The following CELF2 variants were observed in gnomAD, a reference collection of about 807,000 sequenced individuals.
CELF2 encodes CUGBP Elav-like family member 2.
In CELF2, 8 loss-of-function variants were observed where a neutral mutation model predicts 62.6. That is an observed-to-expected ratio of 0.13 (90% CI 0.07 to 0.23). The LOEUF (loss-of-function observed/expected upper bound fraction) is 0.23. CELF2 is among the 10% of genes least tolerant of loss of function. The probability of loss-of-function intolerance (pLI) is 1.00; values close to 1 mark genes in which losing one functional copy is unlikely to be tolerated. For synonymous variants in CELF2, 258 were observed against 250.0 expected, an observed-to-expected ratio of 1.03 and a Z score of -0.30; for missense variants, 333 against 671.0, an observed-to-expected ratio of 0.50 and a Z score of 5.56.
chr10:10,779,211 CCAAGGTTTAAAGAA>C, the CELF2 span, among the ~76,000 whole-genome samples: 2 of 152,166 alleles, frequency 1.3e-5, no homozygotes, highest in African/African-American at 2.4e-5. Flanking sequence ...CAGCGTATCT[CCAAGGTTTAAAGAA>C]TAGTTTCAAA....
intron 3 of CELF2, among the ~76,000 whole-genome samples, chr10:11,226,600 C>CCACACACACA (rs59521803): frequency 7.7e-5 from 2 of 25,896 alleles, no homozygotes; most frequent in African/African-American, 1.2e-4. Flanking sequence ...CAGGCAGTGG[C>CCACACACACA]CACACACACA....
the CELF2 span, among the ~76,000 whole-genome samples, chr10:10,690,744 G>A: frequency 6.6e-6 from 1 of 152,114 alleles, no homozygotes; most frequent in Non-Finnish European, 1.5e-5. Flanking sequence ...GCCTGGCATG[G>A]TGATGCACGC....
intron 2 of CELF2, among the ~76,000 whole-genome samples, chr10:10,963,850 C>A (rs776168604): frequency 2.0e-5 from 3 of 152,098 alleles, no homozygotes; most frequent in African/African-American, 7.2e-5. Context: ...AATGGATTCT[C>A]AGCCCATTCC....
At position 11,165,357 on chromosome 10, in the gene CELF2, T is replaced by G; in HGVS notation, c.75-129T>G. ...TTTTAGTTCATCAAATTTCTACGACTCATTAGGCACTTTGCCACTGCTCTT... is the reference window on the plus strand; with the variant it reads ...TTTTAGTTCATCAAATTTCTACGACGCATTAGGCACTTTGCCACTGCTCTT... On this transcript the variant is annotated intron_variant, in intron 1 of 12. Transcript: ENST00000633077. The surrounding 1 kb of genome is among the most constrained non-coding windows in gnomAD (Gnocchi z 7.4). 6.7e-7 allele frequency: 1 copy of G among 1,489,810 alleles called. No individual in the cohort carries two copies. Among genetic ancestry groups the G allele is most frequent in the Non-Finnish European group, 8.9e-7 (1 of 1,124,394 alleles). The allele number at this position is 1,489,810 out of a possible 1,614,324, so 92.3% of individuals were successfully genotyped here. A position where few individuals can be genotyped will look rare whatever the true frequency, so the allele number is the denominator to read the frequency against.
chr10:10,885,479 G>A (rs556354634), intron 1 of CELF2, among the ~76,000 whole-genome samples: 1 of 151,852 alleles, frequency 6.6e-6, no homozygotes, highest in South Asian at 2.1e-4. Context: ...GTGATGAACT[G>A]TATAACAAAC....
chr10:10,667,184 G>A, the CELF2 span, among the ~76,000 whole-genome samples: 1 of 152,204 alleles, frequency 6.6e-6, no homozygotes, highest in South Asian at 2.1e-4. Flanking sequence ...TCCTGGCGTT[G>A]TGTCTATGGA....
At chr10:10,945,940 A>T (rs1328339374) in intron 2 of CELF2, 1 of 152,632 alleles carries the variant, frequency 6.6e-6, no homozygotes, top group African/African-American at 2.4e-5. Flanking sequence ...AGAAAACCAT[A>T]GCGACCAAAA....
intron 1 of CELF2, among the ~76,000 whole-genome samples, chr10:11,079,365 G>T (rs191325163): frequency 6.6e-6 from 1 of 152,284 alleles, no homozygotes; most frequent in African/African-American, 2.4e-5. Flanking sequence ...CAACAAAAAC[G>T]TGCGGAAAAT....
chr10:10,663,037 A>T, the CELF2 span, among the ~76,000 whole-genome samples: 1 of 152,232 alleles, frequency 6.6e-6, no homozygotes, highest in African/African-American at 2.4e-5. Context: ...GGTGGAAAGG[A>T]GAGCTGTTAT....
At chr10:11,074,629 G>A (rs1381870182) in intron 1 of CELF2, among the ~76,000 whole-genome samples, 3 of 152,122 alleles carry the variant, frequency 2.0e-5, no homozygotes, top group African/African-American at 4.8e-5. Flanking sequence ...TGTCTGCGAC[G>A]GGGGACTGGT....
chr10:10,554,094 C>G, the CELF2 span, among the ~76,000 whole-genome samples: 1 of 151,954 alleles, frequency 6.6e-6, no homozygotes, highest in Non-Finnish European at 1.5e-5. Context: ...ATGGCTTGGA[C>G]TAATTGGTGA....
chr10:10,989,392 C>T (rs1303397740), intron 2 of CELF2, among the ~76,000 whole-genome samples: 1 of 152,014 alleles, frequency 6.6e-6, no homozygotes, highest in Non-Finnish European at 1.5e-5. Flanking sequence ...AAATGACAGA[C>T]GGATTCAGTA....
intron 2 of CELF2, among the ~76,000 whole-genome samples, chr10:10,939,823 G>A (rs527904096): frequency 5.3e-5 from 8 of 152,068 alleles, no homozygotes; most frequent in East Asian, 2.0e-4. Context: ...GCTTGGTGGC[G>A]GATGCCTGTA....
intron 1 of CELF2, among the ~76,000 whole-genome samples, chr10:11,136,009 G>A (rs1029511897): frequency 3.3e-5 from 5 of 152,128 alleles, no homozygotes; most frequent in Admixed American, 2.0e-4. Flanking sequence ...ATTTACTGGT[G>A]GACTATAATA....
the CELF2 span, among the ~76,000 whole-genome samples, chr10:10,780,304 GA>G: frequency 6.6e-6 from 1 of 152,070 alleles, no homozygotes; most frequent in South Asian, 2.1e-4. Flanking sequence ...GCAAGAATAA[GA>G]ATTAATGATT....
rs559865370 is a variant in CELF2 at position 10,972,456 on chromosome 10, G to A, written c.89+52457G>A. Among the ~76,000 whole-genome samples the A allele has an allele frequency of 9.2e-5, 14 of 152,142 alleles. No individual in the cohort carries two copies. The highest frequency in any genetic ancestry group is 2.2e-4 in the African/African-American group (9 of 41,494). On this transcript the variant is annotated intron_variant, in intron 2 of 13. Coordinates refer to the CELF2 transcript ENST00000636488. This position sits in a 1 kb window ranked among gnomAD's most constrained non-coding sequence, Gnocchi z 4.4. ...CAAACTTGATTTCCCCATCCCTCTC[G>A]TCTCCTGGTTCTCCCCCTACATCTG... is the stretch of plus-strand genomic sequence containing the variant.
At position 10,993,149 on chromosome 10, in the gene CELF2, A is replaced by G. The variant is rs1400462275; in HGVS notation, c.89+73150A>G. On this transcript the variant is annotated intron_variant, in intron 2 of 13. Transcript: ENST00000636488. This position sits in a 1 kb window ranked among gnomAD's most constrained non-coding sequence, Gnocchi z 5.3. The stretch of plus-strand genomic sequence containing the variant: ...CACCGAAGAGGCGAGTCAGCAGATC[A>G]GTAATAAGGTGTATGAGCTACAAAA... Among the ~76,000 whole-genome samples the G allele has an allele frequency of 6.6e-6, 1 of 152,122 alleles. No individual in the cohort carries two copies. Among genetic ancestry groups the G allele is most frequent in the Non-Finnish European group, 1.5e-5 (1 of 68,012 alleles).
intron 7 of CELF2, 115 bp from the exon 8 acceptor site, chr10:11,274,942 T>C: frequency 1.1e-6 from 1 of 894,614 alleles, no homozygotes; most frequent in Non-Finnish European, 1.9e-6. Context: ...AGTCCATCAG[T>C]AGGGAGTAGC....
intron 2 of CELF2, among the ~76,000 whole-genome samples, chr10:11,203,245 G>A (rs531937579): frequency 9.0e-4 from 137 of 152,222 alleles, no homozygotes; most frequent in African/African-American, 3.2e-3. Context: ...AGTGTGTGGT[G>A]TGGAGAGTTT....
Sources: allele counts gnomAD v4.1 joint callset (sites outside exome capture counted in the v4.1 genomes callset), GRCh38; gene constraint gnomAD v4.1.1; non-coding constraint Gnocchi (gnomAD v3.1); transcripts MANE v1.5; gene names NCBI Gene and HGNC (gene_info 2026-07-23, HGNC 2026-07-21).